Variants in IL20RB observed in about 807,000 individuals in gnomAD.
The protein encoded by IL20RB is interleukin 20 receptor subunit beta.
IL20RB carries 21 observed loss-of-function variants against 33.3 expected under a neutral mutation model. That is an observed-to-expected ratio of 0.63 (90% CI 0.45 to 0.91). The LOEUF is 0.91. Ranked by LOEUF, IL20RB falls within the 40% of genes least tolerant of loss-of-function variation. The probability of loss-of-function intolerance (pLI) is 0.00; values close to 1 mark genes in which losing one functional copy is unlikely to be tolerated. For synonymous variants in IL20RB, 147 were observed against 146.8 expected (o/e 1.00, Z -0.01); for missense variants, 345 against 384.8 (o/e 0.90, Z 0.86).
intron 5 of IL20RB, among the ~76,000 whole-genome samples, chr3:136,993,435 A>G (rs1362933198): frequency 6.6e-6 from 1 of 152,032 alleles, no homozygotes; most frequent in African/African-American, 2.4e-5. Context: ...ATTCTTTTTT[A>G]TTATACTTTA....
chr3:137,010,995 T>A lies in IL20RB; in HGVS notation c.*772T>A, dbSNP rs988383313. On this transcript the variant is annotated 3_prime_UTR_variant, in exon 7 of 7. Transcript: ENST00000329582. ...GACGAGAATGCAGAAGTCAGTAACA[T>A]GTGCATGTTTGTTGTGCTCCTTTTT... 1.3e-5 allele frequency: 2 copies of A among 152,194 alleles called. No individual in the cohort carries two copies. The highest frequency in any genetic ancestry group is 2.9e-5 in the Non-Finnish European group (2 of 68,054). 9.4% of individuals were successfully genotyped at this position (152,194 alleles called of 1,614,324 possible).
intron 1 of IL20RB, among the ~76,000 whole-genome samples, chr3:136,962,027 A>C (rs1021154963): frequency 6.6e-6 from 1 of 152,362 alleles, no homozygotes; most frequent in Middle Eastern, 3.4e-3. Context: ...CCATGAGTCC[A>C]TACCACTAAA....
At chr3:136,987,424 T>C (rs1375083248) in intron 3 of IL20RB, among the ~76,000 whole-genome samples, 1 of 152,138 alleles carries the variant, frequency 6.6e-6, no homozygotes, top group Non-Finnish European at 1.5e-5. Flanking sequence ...GTTTACAAAC[T>C]TGAGCTAGAG....
In IL20RB at chr3:136,996,664, T is replaced by C. The variant is rs1342570942; in HGVS notation, c.825+1108T>C. On this transcript the variant is annotated intron_variant, in intron 6 of 6. Coordinates refer to ENST00000329582, the MANE Select transcript of IL20RB (RefSeq NM_144717.4). The stretch of plus-strand genomic sequence containing the variant: ...CTCCCTTCTTTCCCATACTTCCAGG[T>C]AGTCATAACGATGTTAGCTGATACT... Among the ~76,000 whole-genome samples the C allele has an allele frequency of 5.9e-5, 9 of 152,238 alleles. No homozygotes were observed. In the East Asian group the frequency reaches 1.5e-3, roughly 26 times the overall value.
intron 6 of IL20RB, among the ~76,000 whole-genome samples, chr3:136,995,758 C>G (rs1475764490): frequency 6.6e-6 from 1 of 152,146 alleles, no homozygotes; most frequent in Non-Finnish European, 1.5e-5. Flanking sequence ...GGCGTGGTGA[C>G]CTTCCTGAGG....
intron 6 of IL20RB, among the ~76,000 whole-genome samples, chr3:137,009,667 G>A (rs1933032356): frequency 6.6e-6 from 1 of 152,024 alleles, no homozygotes; most frequent in Admixed American, 6.6e-5. Flanking sequence ...AGCCTCACGA[G>A]TAGCTGGGAC....
intron 6 of IL20RB, 69 bp from the exon 7 acceptor site, chr3:137,010,044 G>T (rs361235): frequency 0.61 from 460,102 of 757,664 alleles, 142,881 homozygotes; most frequent in East Asian, 0.88. Flanking sequence ...AGTTAAAAAT[G>T]TAATAATATT....
chr3:136,980,653 G>A (rs957991611), intron 2 of IL20RB, 61 bp downstream of exon 2: 2 of 1,596,582 alleles, frequency 1.3e-6, no homozygotes, highest in African/African-American at 1.3e-5. Context: ...TGAAGGCATA[G>A]CCCTTCCTCC....
chr3:137,006,546 C>T (rs1285650297), intron 6 of IL20RB, among the ~76,000 whole-genome samples: 1 of 151,950 alleles, frequency 6.6e-6, no homozygotes, highest in African/African-American at 2.4e-5. Flanking sequence ...ATCCTTTCTT[C>T]CACTTGATCA....
intron 5 of IL20RB, among the ~76,000 whole-genome samples, chr3:136,995,113 C>T (rs748634431): frequency 3.3e-5 from 5 of 152,202 alleles, no homozygotes; most frequent in Non-Finnish European, 5.9e-5. Flanking sequence ...GCAGTGGTGC[C>T]AAGGTACGTG....
intron 1 of IL20RB, among the ~76,000 whole-genome samples, chr3:136,973,004 T>G (rs1358550241): frequency 6.6e-6 from 1 of 152,130 alleles, no homozygotes; most frequent in Admixed American, 6.5e-5. Flanking sequence ...GATTTTTATT[T>G]GTTTCAAGAA....
At chr3:137,006,871 A>T (rs928855526) in intron 6 of IL20RB, among the ~76,000 whole-genome samples, 12 of 152,274 alleles carry the variant, frequency 7.9e-5, no homozygotes, top group African/African-American at 2.9e-4. Context: ...TAGAATTTTC[A>T]GCTTTTCTGC....
intron 1 of IL20RB, among the ~76,000 whole-genome samples, chr3:136,966,198 A>C (rs1941346798): frequency 7.0e-6 from 1 of 142,078 alleles, no homozygotes; most frequent in African/African-American, 2.8e-5. Flanking sequence ...TATCAGAATG[A>C]TGCTGGCCTC....
rs145359518 is a variant in IL20RB at position 136,990,671 on chromosome 3, C to T, written c.531+1106C>T. 5.9e-3 allele frequency among the ~76,000 whole-genome samples: 892 copies of T among 152,302 alleles called. 15 individuals are homozygous for T. Among genetic ancestry groups the T allele is most frequent in the African/African-American group, 0.021 (862 of 41,552 alleles). The stretch of plus-strand genomic sequence containing the variant: ...CTTCAGGGGTTGCTGGTAGCCAGCT[C>T]GCCTCTGATTGGACCCTTCTCAGGC... On this transcript the variant is annotated intron_variant, in intron 4 of 6. Coordinates refer to ENST00000329582, the MANE Select transcript of IL20RB (RefSeq NM_144717.4).
chr3:137,011,053 A>G lies in IL20RB; in HGVS notation c.*830A>G, dbSNP rs1933090192. On this transcript the variant is annotated 3_prime_UTR_variant, in exon 7 of 7. Coordinates refer to ENST00000329582, the MANE Select transcript of IL20RB (RefSeq NM_144717.4). ...GTAAAGTACAGAATTCAGCAAATAAAAAGGGCCACCCTGGCCAAAAGCGGT... is the reference window on the plus strand; with the variant it reads ...GTAAAGTACAGAATTCAGCAAATAAGAAGGGCCACCCTGGCCAAAAGCGGT... The G allele has an allele frequency of 6.6e-6, 1 of 152,126 alleles. No homozygotes were observed. The highest frequency in any genetic ancestry group is 1.5e-5 in the Non-Finnish European group (1 of 68,020). 9.4% of individuals were successfully genotyped at this position (152,126 alleles called of 1,614,324 possible). A position where few individuals can be genotyped will look rare whatever the true frequency, so the allele number is the denominator to read the frequency against.
intron 6 of IL20RB, among the ~76,000 whole-genome samples, chr3:137,005,830 C>A (rs1942338982): frequency 6.6e-6 from 1 of 152,006 alleles, no homozygotes; most frequent in African/African-American, 2.4e-5. Context: ...GTTATTTTGC[C>A]CATTAGTTGA....
rs1233477708 is a variant in IL20RB at position 136,966,082 on chromosome 3, G to A, written c.88+7881G>A. Among the ~76,000 whole-genome samples, 50 of 129,550 alleles carry A rather than the reference G, an allele frequency of 3.9e-4. 1 individual carries two copies. Among genetic ancestry groups the A allele is most frequent in the African/African-American group, 1.5e-3 (47 of 31,800 alleles). 85.0% of individuals were successfully genotyped at this position (129,550 alleles called of 152,430 possible). On this transcript the variant is annotated intron_variant, in intron 1 of 6. Transcript: ENST00000329582. The stretch of plus-strand genomic sequence containing the variant: ...TGGTGGATAAGCTTTTTGATGTGCT[G>A]CTGGATTCGGTTTGCCAGTATTTTA...
At chr3:136,983,655 C>T (rs1264695046) in intron 3 of IL20RB, among the ~76,000 whole-genome samples, 1 of 152,106 alleles carries the variant, frequency 6.6e-6, no homozygotes, top group Non-Finnish European at 1.5e-5. Context: ...GGTGAGAACA[C>T]CAGCTAAGGC....
At chr3:137,009,081 A>T (rs550574184) in intron 6 of IL20RB, among the ~76,000 whole-genome samples, 1 of 152,294 alleles carries the variant, frequency 6.6e-6, no homozygotes, top group Admixed American at 6.5e-5. Context: ...TCCTGTTGGC[A>T]TTTGCCCATG....
Sources: allele counts gnomAD v4.1 joint callset (sites outside exome capture counted in the v4.1 genomes callset), GRCh38; gene constraint gnomAD v4.1.1; transcripts MANE v1.5; gene names NCBI Gene and HGNC (gene_info 2026-07-23, HGNC 2026-07-21).